Variants in SPIRE1 observed in about 807,000 individuals in gnomAD.
SPIRE1 encodes protein spire homolog 1.
A neutral mutation model predicts 94.1 loss-of-function variants in SPIRE1; 40 were observed. That is an observed-to-expected ratio of 0.43 (90% confidence interval 0.33 to 0.55). SPIRE1 has a LOEUF of 0.55. Among genes scored for constraint, SPIRE1 ranks in the 20% least tolerant of loss-of-function variants. The pLI, the probability that SPIRE1 is intolerant of heterozygous loss-of-function variation, is 0.06. For synonymous variants in SPIRE1, 376 were observed against 371.7 expected (o/e 1.01, Z -0.13); for missense variants, 838 against 975.2 (o/e 0.86, Z 1.87).
chr18:12,649,633 T>C (rs1263433046), intron 1 of SPIRE1, among the ~76,000 whole-genome samples: 1 of 152,150 alleles, frequency 6.6e-6, no homozygotes, highest in African/African-American at 2.4e-5. Context: ...GAATCTGACC[T>C]TCCATATATA....
intron 9 of SPIRE1, among the ~76,000 whole-genome samples, chr18:12,484,216 T>C (rs554446143): frequency 7.9e-5 from 12 of 152,340 alleles, no homozygotes; most frequent in East Asian, 5.8e-4. Context: ...GTCCAACTAA[T>C]GGAAGCATCT....
intron 12 of SPIRE1, among the ~76,000 whole-genome samples, chr18:12,463,055 A>G (rs1449940627): frequency 6.6e-6 from 1 of 151,700 alleles, no homozygotes; most frequent in East Asian, 1.9e-4. Flanking sequence ...GCACTACCAC[A>G]CCTGGCTAAT....
chr18:12,551,286 TAATTA>T (rs1007788547), intron 2 of SPIRE1, among the ~76,000 whole-genome samples: 1 of 152,330 alleles, frequency 6.6e-6, no homozygotes, highest in African/African-American at 2.4e-5. Flanking sequence ...AAATATCTCA[TAATTA>T]AATTGGTAAG....
At chr18:12,466,561 T>C (rs1280570014) in intron 10 of SPIRE1, among the ~76,000 whole-genome samples, 1 of 152,128 alleles carries the variant, frequency 6.6e-6, no homozygotes, top group Non-Finnish European at 1.5e-5. Flanking sequence ...ATTACAGGCA[T>C]GAGACACCAC....
intron 2 of SPIRE1, among the ~76,000 whole-genome samples, chr18:12,623,566 T>C (rs2037536548): frequency 6.6e-6 from 1 of 152,180 alleles, no homozygotes; most frequent in Non-Finnish European, 1.5e-5. Context: ...TGCTGAAAAA[T>C]ACTGGTTTTA....
Position 12,657,610 on chromosome 18 carries a change from G to C in SPIRE1, c.257C>G (p.Ala86Gly). Residue 86 changes from alanine to glycine, a missense_variant, in exon 1 of 17, where the codon GCG (alanine) becomes GGG (glycine). Physicochemically the swap from Ala to Gly is moderately conservative, Grantham distance 60. This residue lies in a region of SPIRE1 where 193 missense variants were observed against 170.5 expected (regional missense o/e 1.13). Coordinates refer to ENST00000409402, the MANE Select transcript of SPIRE1 (RefSeq NM_001128626.2). Reference sequence around the variant, plus strand: ...GCCGTCCCTCCAGACGCGGATCTGCGCGGCCGAGCGCACACGGTGGCGGGG... The same window carrying C: ...GCCGTCCCTCCAGACGCGGATCTGCCCGGCCGAGCGCACACGGTGGCGGGG... Reference protein sequence around the residue: ...RQPRHRVRSAAQIRVWRDGAV... With the variant: ...RQPRHRVRSAGQIRVWRDGAV... The C allele has an allele frequency of 7.8e-7, 1 of 1,281,902 alleles. No individual in the cohort carries two copies. Among genetic ancestry groups the C allele is most frequent in the Non-Finnish European group, 9.8e-7 (1 of 1,018,044 alleles). 79.4% of individuals were successfully genotyped at this position (1,281,902 alleles called of 1,614,324 possible).
chr18:12,657,460 C>A (rs1440486529), intron 1 of SPIRE1, 70 bp downstream of exon 1: 33 of 1,159,296 alleles, frequency 2.8e-5, no homozygotes, highest in Non-Finnish European at 3.5e-5. Context: ...GGGCCGGGGA[C>A]GCTGAGGGTA....
chr18:12,575,344 G>T (rs1280309663), intron 2 of SPIRE1, among the ~76,000 whole-genome samples: 3 of 151,818 alleles, frequency 2.0e-5, no homozygotes, highest in African/African-American at 4.8e-5. Flanking sequence ...TCTCAAAAAA[G>T]AAAAATCTTC....
intron 2 of SPIRE1, among the ~76,000 whole-genome samples, chr18:12,620,188 C>T (rs1033594719): frequency 6.6e-6 from 1 of 152,000 alleles, no homozygotes. Context: ...TCAACGAAGA[C>T]CTAAATAAAT....
chr18:12,537,258 G>A (rs1042009764), intron 3 of SPIRE1, among the ~76,000 whole-genome samples: 6 of 152,132 alleles, frequency 3.9e-5, no homozygotes, highest in African/African-American at 1.4e-4. Flanking sequence ...AAAACATCTT[G>A]CAATACCGAA....
intron 2 of SPIRE1, among the ~76,000 whole-genome samples, chr18:12,629,674 A>C (rs535101942): frequency 1.3e-5 from 2 of 152,322 alleles, no homozygotes; most frequent in African/African-American, 4.8e-5. Flanking sequence ...AGGGGTGACA[A>C]AACTTGATTG....
chr18:12,487,886 G>A (rs772216721), intron 8 of SPIRE1, among the ~76,000 whole-genome samples: 16 of 152,140 alleles, frequency 1.1e-4, no homozygotes, highest in East Asian at 1.9e-4. Flanking sequence ...TCATGACAGC[G>A]AGGATTATCT....
chr18:12,529,282 T>G (rs568111716), intron 4 of SPIRE1, among the ~76,000 whole-genome samples: 8 of 150,970 alleles, frequency 5.3e-5, no homozygotes, highest in Non-Finnish European at 8.8e-5. Context: ...AGCAGGAGAA[T>G]GGTGTGAACC....
chr18:12,514,996 C>T (rs1001824751), intron 4 of SPIRE1, among the ~76,000 whole-genome samples: 2 of 152,178 alleles, frequency 1.3e-5, no homozygotes, highest in Non-Finnish European at 2.9e-5. Context: ...GACCAACCTT[C>T]TAACAACCCT....
chr18:12,505,251 A>C (rs2033789160), intron 6 of SPIRE1, among the ~76,000 whole-genome samples: 1 of 152,216 alleles, frequency 6.6e-6, no homozygotes, highest in African/African-American at 2.4e-5. Flanking sequence ...GGCTTGGAAT[A>C]GAAGATATTT....
Position 12,558,306 on chromosome 18 carries a change from T to G in SPIRE1, c.373-11402A>C, listed in dbSNP as rs139054856. Among the ~76,000 whole-genome samples the G allele has an allele frequency of 9.2e-3, 1,406 of 152,248 alleles. 13 individuals are homozygous for G. The highest frequency in any genetic ancestry group is 0.024 in the Middle Eastern group (7 of 294). On this transcript the variant is annotated intron_variant, in intron 2 of 16. Transcript: ENST00000409402. ...CTTAAAAGCGGCATGTCTGGAGTTG[T>G]TCGTGCCTCCTGGTGGGTTTGTGGT...
chr18:12,533,259 C>T lies in SPIRE1; in HGVS notation c.729+2217G>A, dbSNP rs151319769. 3.5e-3 allele frequency among the ~76,000 whole-genome samples: 530 copies of T among 152,292 alleles called. 4 individuals are homozygous for T. Among genetic ancestry groups the T allele is most frequent in the African/African-American group, 0.012 (496 of 41,558 alleles). ...TCAACCAGTTGTGAGGGCCCAACCTCGGTCAGCCTGGCCAGTTTCTGCAGG... is the reference window on the plus strand; with the variant it reads ...TCAACCAGTTGTGAGGGCCCAACCTTGGTCAGCCTGGCCAGTTTCTGCAGG... On this transcript the variant is annotated intron_variant, in intron 4 of 16. Transcript: ENST00000409402.
chr18:12,498,403 C>T (rs961650112), intron 6 of SPIRE1, among the ~76,000 whole-genome samples: 3 of 152,040 alleles, frequency 2.0e-5, no homozygotes, highest in African/African-American at 7.2e-5. Context: ...CTTAAACAAG[C>T]AAAAAACTTT....
chr18:12,489,048 C>T (rs1019279025), intron 8 of SPIRE1, among the ~76,000 whole-genome samples: 4 of 152,084 alleles, frequency 2.6e-5, no homozygotes, highest in Non-Finnish European at 4.4e-5. Context: ...ATTAGCCGGG[C>T]TTGGTGGCGG....
Sources: gnomAD v4.1 joint callset for allele counts (sites outside exome capture counted in the v4.1 genomes callset) on GRCh38, gnomAD v4.1.1 for gene constraint, gnomAD v4.1.1 regional missense constraint, MANE v1.5 for transcripts, NCBI Gene and HGNC (gene_info 2026-07-23, HGNC 2026-07-21) for gene names.